The following HDAC9 variants were observed in gnomAD, a reference collection of about 807,000 sequenced individuals.
HDAC9 encodes histone deacetylase 9.
HDAC9 carries 41 observed loss-of-function variants against 139.4 expected under a neutral mutation model. That is an observed-to-expected ratio of 0.29 (90% CI 0.23 to 0.38). The LOEUF is 0.38. Ranked by LOEUF, HDAC9 falls within the 10% of genes least tolerant of loss-of-function variation. HDAC9 has a pLI of 1.00. For synonymous variants in HDAC9, 517 were observed against 476.2 expected (o/e 1.09, Z -1.12); for missense variants, 1,147 against 1,297.0 (o/e 0.88, Z 1.78).
chr7:18,887,889 G>T (rs1013449368), intron 22 of HDAC9, among the ~76,000 whole-genome samples: 2 of 151,934 alleles, frequency 1.3e-5, no homozygotes, highest in Non-Finnish European at 2.9e-5. Context: ...CAAGATTTGT[G>T]GCCACAGAGA....
At position 18,715,705 on chromosome 7, in the gene HDAC9, T is replaced by C. The variant is rs184796265; in HGVS notation, c.1732-11875T>C. Among the ~76,000 whole-genome samples, 39 of 152,332 alleles carry C rather than the reference T, an allele frequency of 2.6e-4. 1 individual carries two copies. The highest frequency in any genetic ancestry group is 8.9e-4 in the African/African-American group (37 of 41,600). The stretch of plus-strand genomic sequence containing the variant: ...ATACATTCATGACATATTATCAATG[T>C]TAAATCTAGTATATTAACAGAGAAA... On this transcript the variant is annotated intron_variant, in intron 12 of 25. Transcript: ENST00000686413.
chr7:18,620,835 A>AT (rs1051656366), intron 6 of HDAC9, among the ~76,000 whole-genome samples: 11 of 151,762 alleles, frequency 7.2e-5, no homozygotes, highest in African/African-American at 1.2e-4. Context: ...ATGTATGACC[A>AT]TTTTTTTTCC....
At chr7:18,742,463 C>G (rs566297482) in intron 13 of HDAC9, among the ~76,000 whole-genome samples, 1 of 152,290 alleles carries the variant, frequency 6.6e-6, no homozygotes, top group African/African-American at 2.4e-5. Flanking sequence ...TTCCACACTT[C>G]ATAGGTTACA....
At chr7:18,102,218 A>C (rs914210735) in intron 1 of HDAC9, among the ~76,000 whole-genome samples, 6 of 152,230 alleles carry the variant, frequency 3.9e-5, no homozygotes, top group African/African-American at 1.4e-4. Flanking sequence ...TAAGGGCACA[A>C]TTGACTGTGA....
chr7:18,165,921 GGA>G, intron 2 of HDAC9, among the ~76,000 whole-genome samples: 1 of 152,212 alleles, frequency 6.6e-6, no homozygotes, highest in African/African-American at 2.4e-5. Context: ...ATGGGGAGGT[GGA>G]TGGACCAAAG....
intron 1 of HDAC9, among the ~76,000 whole-genome samples, chr7:18,329,865 TTTAAC>T (rs1800776203): frequency 1.3e-5 from 2 of 151,904 alleles, no homozygotes; most frequent in African/African-American, 4.8e-5. Flanking sequence ...TGAAGAAATG[TTTAAC>T]TACCGTTTAG....
intron 14 of HDAC9, among the ~76,000 whole-genome samples, chr7:18,749,760 C>T (rs1270184394): frequency 6.6e-6 from 1 of 152,044 alleles, no homozygotes; most frequent in African/African-American, 2.4e-5. Context: ...AGAAAGGCTC[C>T]CATCATCAAA....
chr7:18,735,674 C>T lies in HDAC9; in HGVS notation c.1909+7917C>T, dbSNP rs190057663. On this transcript the variant is annotated intron_variant, in intron 13 of 25. Transcript: ENST00000686413. ...ACTTTGAAGTCAGGTAGCATCATGCCTCCAGGTTTGTTCTTTTTGCTTAGG... is the reference window on the plus strand; with the variant it reads ...ACTTTGAAGTCAGGTAGCATCATGCTTCCAGGTTTGTTCTTTTTGCTTAGG... 1.7e-4 allele frequency among the ~76,000 whole-genome samples: 26 copies of T among 152,284 alleles called. No individual in the cohort carries two copies. In the East Asian group the frequency reaches 2.5e-3, roughly 15 times the overall value.
At chr7:18,823,457 G>A (rs1304144009) in intron 17 of HDAC9, among the ~76,000 whole-genome samples, 1 of 152,138 alleles carries the variant, frequency 6.6e-6, no homozygotes, top group Non-Finnish European at 1.5e-5. Flanking sequence ...TTAGGTGCGG[G>A]GACAGAGCAG....
At chr7:18,316,039 A>G (rs1408785514) in intron 1 of HDAC9, among the ~76,000 whole-genome samples, 3 of 152,198 alleles carry the variant, frequency 2.0e-5, no homozygotes, top group African/African-American at 7.2e-5. Flanking sequence ...AAATCTGAAA[A>G]CATCTATAAG....
intron 2 of HDAC9, among the ~76,000 whole-genome samples, chr7:18,263,400 G>A (rs1795801823): frequency 6.6e-6 from 1 of 152,118 alleles, no homozygotes; most frequent in Non-Finnish European, 1.5e-5. Flanking sequence ...AGGAGGGCAG[G>A]CAGGAGGATG....
intron 1 of HDAC9, among the ~76,000 whole-genome samples, chr7:18,415,233 G>A (rs1255195828): frequency 6.6e-6 from 1 of 152,182 alleles, no homozygotes; most frequent in Non-Finnish European, 1.5e-5. Context: ...GTTCTCGATG[G>A]CTTAAAGTGT....
At chr7:18,763,907 T>C (rs1789604585) in intron 15 of HDAC9, among the ~76,000 whole-genome samples, 1 of 152,174 alleles carries the variant, frequency 6.6e-6, no homozygotes, top group Non-Finnish European at 1.5e-5. Flanking sequence ...ATTGTGAATA[T>C]AAACACACAT....
At chr7:18,792,673 A>G (rs1792429098) in intron 16 of HDAC9, among the ~76,000 whole-genome samples, 1 of 152,312 alleles carries the variant, frequency 6.6e-6, no homozygotes, top group East Asian at 1.9e-4. Context: ...ACCAGTTTGA[A>G]CTGAAACAAT....
At chr7:18,991,962 C>T (rs1347733081) in intron 25 of HDAC9, among the ~76,000 whole-genome samples, 1 of 152,196 alleles carries the variant, frequency 6.6e-6, no homozygotes, top group Non-Finnish European at 1.5e-5. Context: ...ACACAGTACA[C>T]AGTCAGCAAC....
chr7:18,626,621 G>A (rs1407397532), intron 6 of HDAC9, among the ~76,000 whole-genome samples: 1 of 152,160 alleles, frequency 6.6e-6, no homozygotes, highest in Non-Finnish European at 1.5e-5. Context: ...CAAGGTTACT[G>A]ATTTTAGTAG....
chr7:18,733,864 G>A (rs1293279818), intron 13 of HDAC9, among the ~76,000 whole-genome samples: 1 of 151,934 alleles, frequency 6.6e-6, no homozygotes, highest in Non-Finnish European at 1.5e-5. Context: ...AGAAGTCTGA[G>A]GCCAACCTGA....
chr7:18,880,992 G>A (rs1437091831), intron 22 of HDAC9, among the ~76,000 whole-genome samples: 2 of 151,872 alleles, frequency 1.3e-5, no homozygotes, highest in Non-Finnish European at 2.9e-5. Context: ...TTTGGGGGAA[G>A]ATACCTGTAT....
chr7:18,445,963 A>T (rs1317385081), intron 1 of HDAC9, among the ~76,000 whole-genome samples: 1 of 152,238 alleles, frequency 6.6e-6, no homozygotes, highest in South Asian at 2.1e-4. Flanking sequence ...GATGACATAG[A>T]CACTCATTTG....
Sources: gnomAD v4.1 joint callset for allele counts (sites outside exome capture counted in the v4.1 genomes callset) on GRCh38, gnomAD v4.1.1 for gene constraint, MANE v1.5 for transcripts, NCBI Gene and HGNC (gene_info 2026-07-23, HGNC 2026-07-21) for gene names.